Variants in TONSL observed in about 807,000 individuals in gnomAD.
The protein encoded by TONSL is tonsoku-like protein.
Under a neutral mutation model 147.1 loss-of-function variants are expected in TONSL, and 112 were observed. The observed-to-expected ratio is 0.76, with a 90% CI of 0.65 to 0.89. The LOEUF (loss-of-function observed/expected upper bound fraction) is 0.89, where lower values mean the gene tolerates loss of function less well. Among genes scored for constraint, TONSL ranks in the 40% least tolerant of loss-of-function variants. The probability of loss-of-function intolerance (pLI) is 0.00; values close to 1 mark genes in which losing one functional copy is unlikely to be tolerated. For missense variants in TONSL, 1,883 were observed against 1,864.6 expected (o/e 1.01, Z -0.18); for synonymous variants, 868 against 801.5 (o/e 1.08, Z -1.40).
rs746529839 is a variant in TONSL, at chr8:144,436,546, C to T, written c.2014+12G>A. 7.6e-5 allele frequency: 123 copies of T among 1,607,862 alleles called. No homozygotes were observed. Among genetic ancestry groups the T allele is most frequent in the Non-Finnish European group, 9.6e-5 (113 of 1,179,190 alleles). ...GCACAGCAACCCCAGGGACAAGGGACGCCCTGCTTGCCTTGGCCCGAGGCA... is the reference window on the plus strand; with the variant it reads ...GCACAGCAACCCCAGGGACAAGGGATGCCCTGCTTGCCTTGGCCCGAGGCA... On this transcript the variant is annotated intron_variant, in intron 16 of 25. Coordinates refer to ENST00000409379, the MANE Select transcript of TONSL (RefSeq NM_013432.5).
At chr8:144,442,991 T>C (rs1181862060) in intron 4 of TONSL, 147 bp downstream of exon 4, 5 of 1,233,680 alleles carry the variant, frequency 4.1e-6, no homozygotes. Context: ...GGGGAAAGGT[T>C]GAGCGGGGCA....
rs1823344610 is a variant in TONSL, at chr8:144,434,299, T to C, written c.3086-20A>G. On this transcript the variant is annotated intron_variant, in intron 20 of 25. Coordinates refer to ENST00000409379, the MANE Select transcript of TONSL (RefSeq NM_013432.5). ...GCTCCCCTGCGGGAGGGATGTGATGTCACCAGGGTAAGGCCGGCCCTTTCT... is the reference window on the plus strand; with the variant it reads ...GCTCCCCTGCGGGAGGGATGTGATGCCACCAGGGTAAGGCCGGCCCTTTCT... The C allele has an allele frequency of 1.3e-6, 2 of 1,494,962 alleles. No individual in the cohort carries two copies. The highest frequency in any genetic ancestry group is 1.4e-5 in the African/African-American group (1 of 71,086). The allele number at this position is 1,494,962 out of a possible 1,614,324, so 92.6% of individuals were successfully genotyped here.
chr8:144,434,061 G>A lies in TONSL; in HGVS notation c.3304C>T (p.Leu1102Phe). The A allele has an allele frequency of 1.2e-6, 2 of 1,612,316 alleles. No homozygotes were observed. The highest frequency in any genetic ancestry group is 1.1e-5 in the South Asian group (1 of 91,038). ...AALGTMPSLALLDLSSNHLGP... is the reference protein window; with the variant it reads ...AALGTMPSLAFLDLSSNHLGP... Reference sequence around the variant, plus strand: ...AGGTGATTGGAGGAGAGGTCAAGGAGGGCCAGGCTGGGCATGGTGCCCAGG... The same window carrying A: ...AGGTGATTGGAGGAGAGGTCAAGGAAGGCCAGGCTGGGCATGGTGCCCAGG... The change falls in exon 21 of 26, where the codon CTC becomes TTC. Residue 1102 changes from leucine (L) to phenylalanine (F), a missense_variant. Leu to Phe is a conservative substitution (Grantham distance 22). Transcript: ENST00000409379.
rs751246082 is a variant in TONSL, at chr8:144,428,780, T to G, written c.*363A>C. 2 of 151,466 alleles carry G rather than the reference T, an allele frequency of 1.3e-5. No homozygotes were observed. The highest frequency in any genetic ancestry group is 2.8e-5 in the Non-Finnish European group (2 of 71,268). 9.4% of individuals were successfully genotyped at this position (151,466 alleles called of 1,614,324 possible). ...CAGCCACGGGGAGGGAGGCAGCAGCTTCATTTATTTTATTTTTTTTTTTTT... is the reference window on the plus strand; with the variant it reads ...CAGCCACGGGGAGGGAGGCAGCAGCGTCATTTATTTTATTTTTTTTTTTTT... On this transcript the variant is annotated 3_prime_UTR_variant, in exon 26 of 26. Transcript: ENST00000409379.
intron 11 of TONSL, 156 bp from the exon 12 acceptor site, chr8:144,438,891 A>G (rs2129666915): frequency 1.4e-6 from 1 of 733,400 alleles, no homozygotes. Flanking sequence ...CTCCTCAGCA[A>G]TGGTCCCAGC....
chr8:144,438,413 C>T, intron 13 of TONSL, 58 bp downstream of exon 13: 1 of 1,569,118 alleles, frequency 6.4e-7, no homozygotes, highest in Non-Finnish European at 8.7e-7. Flanking sequence ...GGATCCGGCA[C>T]AAACGCACAG....
chr8:144,440,624 A>C, intron 9 of TONSL, 94 bp downstream of exon 9: 2 of 1,537,954 alleles, frequency 1.3e-6, no homozygotes, highest in Non-Finnish European at 1.8e-6. Flanking sequence ...CTGCCCGTCC[A>C]GTAAGGACAC....
chr8:144,434,090 G>A lies in TONSL; in HGVS notation c.3275C>T (p.Ala1092Val), dbSNP rs1448766253. The change falls in exon 21 of 26, where the codon GCT (alanine) becomes GTT (valine). Residue 1092 changes from alanine to valine, a missense_variant. Physicochemically the swap from Ala to Val is moderately conservative, Grantham distance 64 (BLOSUM62 0). Transcript: ENST00000409379. The part of the protein sequence containing the change: ...LGDKCVAELV[A>V]ALGTMPSLAL... ...CAGGCTGGGCATGGTGCCCAGGGCAGCCACCAGCTCAGCCACACACTTGTC... is the reference window on the plus strand; with the variant it reads ...CAGGCTGGGCATGGTGCCCAGGGCAACCACCAGCTCAGCCACACACTTGTC... 2 of 1,612,166 alleles carry A rather than the reference G, an allele frequency of 1.2e-6. No homozygotes were observed. The highest frequency in any genetic ancestry group is 2.7e-5 in the African/African-American group (2 of 74,940).
In TONSL at chr8:144,432,156, T is replaced by G. The variant is rs146136330; in HGVS notation, c.3735+129A>C. 357 of 1,073,038 alleles carry G rather than the reference T, an allele frequency of 3.3e-4. 3 individuals carry two copies. The East Asian group carries it at 8.8e-3, about 27-fold the overall frequency. 66.5% of individuals were successfully genotyped at this position (1,073,038 alleles called of 1,614,324 possible). A position where few individuals can be genotyped will look rare whatever the true frequency, so the allele number is the denominator to read the frequency against. ...GCTGTTTTTTCTAAACCTCCAAACC[T>G]CTAACTCTCTCTGTAGAGCCCCTCA... On this transcript the variant is annotated intron_variant, in intron 23 of 25. Coordinates refer to ENST00000409379, the MANE Select transcript of TONSL (RefSeq NM_013432.5).
rs762114163 is a variant in TONSL at position 144,435,674 on chromosome 8, G to A, written c.2759C>T (p.Ala920Val). The change falls in exon 17 of 26, where the codon GCG (alanine) becomes GTG (valine). Residue 920 changes from alanine (A) to valine (V), a missense_variant. Transcript: ENST00000409379. ...CATACCCACCAAGGGCTGGCCTGCC[G>A]CAGAGCTGTCCCCACTGGGCTCTGA... ...RVSEPSGDSS[A>V]AGQPLGPAPP... 15 of 1,603,988 alleles carry A rather than the reference G, an allele frequency of 9.4e-6. No homozygotes were observed. Among genetic ancestry groups the A allele is most frequent in the Middle Eastern group, 1.7e-4 (1 of 5,918 alleles).
At position 144,436,285 on chromosome 8, in the gene TONSL, G is replaced by A. The variant is rs1174409437; in HGVS notation, c.2148C>T (p.Val716=). The A allele has an allele frequency of 6.6e-7, 1 of 1,510,430 alleles. No individual in the cohort carries two copies. Among genetic ancestry groups the A allele is most frequent in the East Asian group, 2.3e-5 (1 of 43,988 alleles). The allele number at this position is 1,510,430 out of a possible 1,614,324, so 93.6% of individuals were successfully genotyped here. ...GTGCCGCCTGCCCTGGGGAGACCCTGACATGGGCCTGAGAGGCCTCTGGGA... is the reference window on the plus strand; with the variant it reads ...GTGCCGCCTGCCCTGGGGAGACCCTAACATGGGCCTGAGAGGCCTCTGGGA... The part of the protein sequence containing the change: ...TRLPEASQAH[V]RVSPGQAAPA... Residue 716 remains valine, a synonymous_variant, in exon 17 of 26, where the codon GTC becomes GTT. Transcript: ENST00000409379.
rs1371288126 is a variant in TONSL at position 144,444,282 on chromosome 8, G to A, written c.26-7C>T. 2.8e-6 allele frequency: 4 copies of A among 1,409,692 alleles called. No individual in the cohort carries two copies. The highest frequency in any genetic ancestry group is 2.8e-5 in the Admixed American group (1 of 35,630). The allele number at this position is 1,409,692 out of a possible 1,614,324, so 87.3% of individuals were successfully genotyped here. A position where few individuals can be genotyped will look rare whatever the true frequency, so the allele number is the denominator to read the frequency against. On this transcript the variant is annotated splice_polypyrimidine_tract_variant and splice_region_variant and intron_variant, in intron 1 of 25. Coordinates refer to ENST00000409379, the MANE Select transcript of TONSL (RefSeq NM_013432.5). ...GCTTTCGCCTTGCTCAGCTCTGTGG[G>A]AGGAAGAGGAGGGCTGGGCCTCCGC...
Position 144,436,691 on chromosome 8 carries a change from A to C in TONSL, c.1891-10T>G. The C allele has an allele frequency of 2.5e-6, 4 of 1,611,940 alleles. No homozygotes were observed. Among genetic ancestry groups the C allele is most frequent in the Middle Eastern group, 1.6e-4 (1 of 6,062 alleles). On this transcript the variant is annotated splice_polypyrimidine_tract_variant and intron_variant, in intron 15 of 25. Coordinates refer to ENST00000409379, the MANE Select transcript of TONSL (RefSeq NM_013432.5). ...CCAGCGGGCTGAGGCCCTGTGTGGC[A>C]TCAGTTGAGCAGGGGCACAGCAGCC...
Position 144,428,958 on chromosome 8 carries a change from T to G in TONSL, c.*185A>C. On this transcript the variant is annotated 3_prime_UTR_variant, in exon 26 of 26. Coordinates refer to ENST00000409379, the MANE Select transcript of TONSL (RefSeq NM_013432.5). ...GCTTCCACCACCACGCCCGGCTAAT[T>G]TTTGGTATTTTTAGTAGAGACGGGG... 1.7e-6 allele frequency: 1 copy of G among 597,642 alleles called. No individual in the cohort carries two copies. The highest frequency in any genetic ancestry group is 2.6e-6 in the Non-Finnish European group (1 of 379,148). The allele number at this position is 597,642 out of a possible 1,614,324, so 37.0% of individuals were successfully genotyped here.
chr8:144,444,382 G>A lies in TONSL; in HGVS notation c.25+8C>T, dbSNP rs2129706863. On this transcript the variant is annotated splice_region_variant and intron_variant, in intron 1 of 25. Transcript: ENST00000409379. The stretch of plus-strand genomic sequence containing the variant: ...GCCCCCGGAGGAAGGGGTCCCCGAG[G>A]AACTTACGGCGAAGCTCGCGCTCCA... 1 of 1,275,930 alleles carries A rather than the reference G, an allele frequency of 7.8e-7. No homozygotes were observed. Among genetic ancestry groups the A allele is most frequent in the Non-Finnish European group, 9.9e-7 (1 of 1,009,098 alleles). 79.0% of individuals were successfully genotyped at this position (1,275,930 alleles called of 1,614,324 possible). A position where few individuals can be genotyped will look rare whatever the true frequency, so the allele number is the denominator to read the frequency against.
At position 144,443,130 on chromosome 8, in the gene TONSL, C is replaced by T. The variant is rs1211336149; in HGVS notation, c.448+8G>A. The T allele has an allele frequency of 1.3e-6, 2 of 1,549,246 alleles. No individual in the cohort carries two copies. Among genetic ancestry groups the T allele is most frequent in the East Asian group, 4.9e-5 (2 of 40,880 alleles). On this transcript the variant is annotated splice_region_variant and intron_variant, in intron 4 of 25. Coordinates refer to ENST00000409379, the MANE Select transcript of TONSL (RefSeq NM_013432.5). Reference sequence around the variant, plus strand: ...CAGGAGGCAGAAAACGCGGAGGGGTCTGCCCACCCTCCAGCTCCTCATCCA... The same window carrying T: ...CAGGAGGCAGAAAACGCGGAGGGGTTTGCCCACCCTCCAGCTCCTCATCCA...
rs1233741504 is a variant in TONSL at position 144,428,792 on chromosome 8, AT to A, written c.*350del. ...GGGAGGCAGCAGCTTCATTTATTTT[AT>A]TTTTTTTTTTTTTTGAGACGGAGTC... On this transcript the variant is annotated 3_prime_UTR_variant, in exon 26 of 26. Coordinates refer to ENST00000409379, the MANE Select transcript of TONSL (RefSeq NM_013432.5). 1,351 of 116,694 alleles carry A rather than the reference AT, an allele frequency of 0.012. 3 individuals carry two copies. Among genetic ancestry groups the A allele is most frequent in the Middle Eastern group, 0.016 (4 of 256 alleles). The allele number at this position is 116,694 out of a possible 1,614,324, so 7.2% of individuals were successfully genotyped here.
At position 144,444,164 on chromosome 8, in the gene TONSL, T is replaced by C; in HGVS notation, c.121+16A>G. 3 of 1,420,446 alleles carry C rather than the reference T, an allele frequency of 2.1e-6. No individual in the cohort carries two copies. The highest frequency in any genetic ancestry group is 2.8e-6 in the Non-Finnish European group (3 of 1,088,306). The allele number at this position is 1,420,446 out of a possible 1,614,324, so 88.0% of individuals were successfully genotyped here. A position where few individuals can be genotyped will look rare whatever the true frequency, so the allele number is the denominator to read the frequency against. On this transcript the variant is annotated intron_variant, in intron 2 of 25. Coordinates refer to ENST00000409379, the MANE Select transcript of TONSL (RefSeq NM_013432.5). ...GGCCCCGGCCCTGCCTCCCGCCTCCTGGTCCCGGCGCTCACCATGGCCGGC... is the reference window on the plus strand; with the variant it reads ...GGCCCCGGCCCTGCCTCCCGCCTCCCGGTCCCGGCGCTCACCATGGCCGGC...
At chr8:144,439,789 G>A (rs1823630374) in intron 11 of TONSL, 4 of 542,180 alleles carry the variant, frequency 7.4e-6, no homozygotes, top group Admixed American at 7.6e-5. Flanking sequence ...CCATGCCCCA[G>A]CTGACACTCA....
Sources: allele counts gnomAD v4.1 joint callset, GRCh38; gene constraint gnomAD v4.1.1; transcripts MANE v1.5; gene names NCBI Gene and HGNC (gene_info 2026-07-23, HGNC 2026-07-21).